The following FASTKD1 variants were observed in gnomAD, a reference collection of about 807,000 sequenced individuals.
FASTKD1 encodes FAST kinase domains 1, also known as FAST kinase domain-containing protein 1, mitochondrial.
A neutral mutation model predicts 90.9 loss-of-function variants in FASTKD1; 94 were observed. The ratio of observed to expected loss-of-function variants is 1.03; its 90% confidence interval spans 0.88 to 1.23. FASTKD1 has a LOEUF of 1.23. Among genes scored for constraint, FASTKD1 ranks in the 50% most tolerant of loss-of-function variants. FASTKD1 has a pLI of 0.00. For synonymous variants in FASTKD1, 319 were observed against 345.8 expected, an observed-to-expected ratio of 0.92 and a Z score of 0.86; for missense variants, 945 against 993.5, an observed-to-expected ratio of 0.95 and a Z score of 0.66.
chr2:169,562,087 ATTTATTGTAAAATAATTAT>A (rs1559157657), intron 4 of FASTKD1, among the ~76,000 whole-genome samples: 28 of 134,378 alleles, frequency 2.1e-4, no homozygotes, highest in African/African-American at 7.0e-4. Context: ...TTATTTATTA[ATTTATTGTAAAATAATTAT>A]TTATTAATTT....
chr2:169,541,313 T>G (rs1443470352), intron 9 of FASTKD1, among the ~76,000 whole-genome samples: 1 of 152,202 alleles, frequency 6.6e-6, no homozygotes, highest in Non-Finnish European at 1.5e-5. Flanking sequence ...GCAACAAAAT[T>G]TTCTAATTTC....
intron 9 of FASTKD1, 147 bp downstream of exon 9, chr2:169,544,574 A>C (rs1472140791): frequency 1.8e-6 from 1 of 569,628 alleles, no homozygotes; most frequent in East Asian, 3.2e-5. Context: ...CTGTCTCAAA[A>C]ACAAACAAAC....
Position 169,540,168 on chromosome 2 carries a change from G to A in FASTKD1, c.1828C>T (p.Pro610Ser), listed in dbSNP as rs200660705. The A allele has an allele frequency of 6.4e-7, 1 of 1,569,230 alleles. No homozygotes were observed. The highest frequency in any genetic ancestry group is 1.4e-5 in the African/African-American group (1 of 73,450). The change falls in exon 10 of 15, where the codon CCT (proline) becomes TCT (serine). Residue 610 changes from proline (P) to serine (S), a missense_variant. Pro to Ser is a moderately conservative substitution (Grantham distance 74, BLOSUM62 -1). Transcript: ENST00000453153. The stretch of plus-strand genomic sequence containing the variant: ...AAACCAAGAAACACTAATATAAAAG[G>A]ATCCAATATACCTAAAAGAAAATTA... Reference protein sequence around the residue: ...HLNSYLGILDPFILVFLGFSL... With the variant: ...HLNSYLGILDSFILVFLGFSL...
intron 9 of FASTKD1, among the ~76,000 whole-genome samples, chr2:169,542,690 C>T (rs1685007565): frequency 6.6e-6 from 1 of 152,112 alleles, no homozygotes; most frequent in Admixed American, 6.5e-5. Flanking sequence ...CGTAGCAAGA[C>T]CCCATCTCTA....
chr2:169,556,188 G>C (rs1287773308), intron 6 of FASTKD1, among the ~76,000 whole-genome samples: 1 of 151,908 alleles, frequency 6.6e-6, no homozygotes, highest in African/African-American at 2.4e-5. Context: ...AAACAAACCA[G>C]CACTTTGGGA....
chr2:169,554,979 G>A (rs188428505), intron 7 of FASTKD1, 145 bp downstream of exon 7: 13 of 692,382 alleles, frequency 1.9e-5, no homozygotes, highest in Middle Eastern at 3.1e-4. Context: ...GAATGGCCAC[G>A]GAGGGAGATA....
chr2:169,560,810 AT>A, intron 4 of FASTKD1, 25 bp from the exon 5 acceptor site: 2 of 1,120,668 alleles, frequency 1.8e-6, no homozygotes, highest in Non-Finnish European at 2.4e-6. Flanking sequence ...AGATGCAAAG[AT>A]TTTTACATCA....
In FASTKD1 at chr2:169,557,229, G is replaced by A; in HGVS notation, c.1040C>T (p.Ala347Val). 6.2e-7 allele frequency: 1 copy of A among 1,612,522 alleles called. No homozygotes were observed. The highest frequency in any genetic ancestry group is 8.5e-7 in the Non-Finnish European group (1 of 1,179,130). ...GTTTCTGCTTTCCATATCTCCCATT[G>A]CTCCCAACACTGCCAGGGCTTGCTC... ...TGEQALAVLG[A>V]MGDMESRNSC... The change falls in exon 6 of 15, where the codon GCA (alanine) becomes GTA (valine). Residue 347 changes from alanine to valine, a missense_variant. By Grantham distance (64) the Ala-to-Val change is moderately conservative. Coordinates refer to ENST00000453153, the MANE Select transcript of FASTKD1 (RefSeq NM_024622.6).
At chr2:169,570,708 C>T (rs555749912) in intron 2 of FASTKD1, among the ~76,000 whole-genome samples, 1 of 145,302 alleles carries the variant, frequency 6.9e-6, no homozygotes, top group Non-Finnish European at 1.5e-5. Flanking sequence ...CAGCGTCTCA[C>T]TCTGTCGCCC....
Position 169,560,501 on chromosome 2 carries a change from A to G in FASTKD1, c.857T>C (p.Ile286Thr). 6.2e-7 allele frequency: 1 copy of G among 1,602,536 alleles called. No individual in the cohort carries two copies. Among genetic ancestry groups the G allele is most frequent in the Non-Finnish European group, 8.5e-7 (1 of 1,174,588 alleles). ...AGTTAGCTTCTTTTTAGCCATTATA[A>G]TAAATTCAAAACTATTAAATTGTAG... is the stretch of plus-strand genomic sequence containing the variant. ...KFLQFNSFEF[I>T]IMAKKKLTEM... The change falls in exon 5 of 15, where the codon ATT becomes ACT. Residue 286 changes from isoleucine to threonine, a missense_variant. Transcript: ENST00000453153.
intron 7 of FASTKD1, among the ~76,000 whole-genome samples, chr2:169,553,696 C>T (rs1298036415): frequency 1.3e-5 from 2 of 151,278 alleles, no homozygotes; most frequent in Non-Finnish European, 3.0e-5. Context: ...GGCGGGCAGA[C>T]CACGGGGTCA....
intron 2 of FASTKD1, among the ~76,000 whole-genome samples, chr2:169,570,294 T>A (rs1684173808): frequency 6.6e-6 from 1 of 152,214 alleles, no homozygotes; most frequent in Non-Finnish European, 1.5e-5. Flanking sequence ...GAAGGCTGGA[T>A]TTCCTTGCAA....
chr2:169,567,475 G>C (rs1292165085), intron 3 of FASTKD1, among the ~76,000 whole-genome samples: 3 of 152,154 alleles, frequency 2.0e-5, no homozygotes, highest in Non-Finnish European at 4.4e-5. Context: ...TATAAAAGAA[G>C]ACAGATGGGT....
At position 169,546,293 on chromosome 2, in the gene FASTKD1, A is replaced by G. The variant is rs747804603; in HGVS notation, c.1626T>C (p.Phe542=). 6.2e-6 allele frequency: 10 copies of G among 1,613,712 alleles called. No individual in the cohort carries two copies. The Admixed American group carries it at 1.7e-4, about 27-fold the overall frequency. ...TACTGAGGTAATCAGTACTAGAAAT[A>G]AAAGATGCAATCTCCCCAACATTTA... ...NYINVGEIAS[F]ISSTDYLSTL... is the part of the protein sequence containing the mutation. The change falls in exon 8 of 15, where the codon TTT becomes TTC. Residue 542 remains phenylalanine (F), a synonymous_variant. Coordinates refer to ENST00000453153, the MANE Select transcript of FASTKD1 (RefSeq NM_024622.6).
chr2:169,570,397 C>G (rs1253205677), intron 2 of FASTKD1, among the ~76,000 whole-genome samples: 1 of 151,940 alleles, frequency 6.6e-6, no homozygotes, highest in Non-Finnish European at 1.5e-5. Context: ...TATTTCTTAA[C>G]ATTTATCTCT....
chr2:169,534,025 G>A (rs1684608822), intron 12 of FASTKD1, among the ~76,000 whole-genome samples: 1 of 151,682 alleles, frequency 6.6e-6, no homozygotes, highest in Admixed American at 6.6e-5. Context: ...ACAAAAATTA[G>A]CCTGGTGTGG....
chr2:169,543,132 T>C (rs1437775565), intron 9 of FASTKD1, among the ~76,000 whole-genome samples: 2 of 151,878 alleles, frequency 1.3e-5, no homozygotes, highest in South Asian at 4.2e-4. Flanking sequence ...GCAAAAAAGA[T>C]GGAGGAAAAG....
rs1574382673 is a variant in FASTKD1, at chr2:169,546,670, A to G, written c.1249T>C (p.Ser417Pro). ...LKNSFIPTEV[S>P]VLVRAISLLP... is the part of the protein sequence containing the mutation. ...AGGGAAATAGCACGGACCAGAACAGACACCTCAGTTGGTATGAAACTATTT... is the reference window on the plus strand; with the variant it reads ...AGGGAAATAGCACGGACCAGAACAGGCACCTCAGTTGGTATGAAACTATTT... Residue 417 changes from serine to proline, a missense_variant, in exon 8 of 15, where the codon TCT becomes CCT. Transcript: ENST00000453153. 3 of 1,611,944 alleles carry G rather than the reference A, an allele frequency of 1.9e-6. No individual in the cohort carries two copies. The highest frequency in any genetic ancestry group is 2.2e-5 in the East Asian group (1 of 44,864).
chr2:169,534,394 G>A (rs1040187512), intron 12 of FASTKD1, among the ~76,000 whole-genome samples: 1 of 150,688 alleles, frequency 6.6e-6, no homozygotes, highest in Non-Finnish European at 1.5e-5. Flanking sequence ...CAAACCTGTT[G>A]GTATCTCGAG....
Sources: gnomAD v4.1 joint callset for allele counts (sites outside exome capture counted in the v4.1 genomes callset) on GRCh38, gnomAD v4.1.1 for gene constraint, MANE v1.5 for transcripts, NCBI Gene and HGNC (gene_info 2026-07-23, HGNC 2026-07-21) for gene names.